PLCL1: variants seen among roughly 807,000 people sequenced by gnomAD.
The protein encoded by PLCL1 is inactive phospholipase C-like protein 1.
PLCL1 carries 41 observed loss-of-function variants against 84.4 expected under a neutral mutation model. That is an observed-to-expected ratio of 0.49 (90% CI 0.38 to 0.63). The LOEUF is 0.63. Among genes scored for constraint, PLCL1 ranks in the 30% least tolerant of loss-of-function variants. The pLI is 0.00. For missense variants in PLCL1, 1,206 were observed against 1,367.8 expected, an observed-to-expected ratio of 0.88 and a Z score of 1.87; for synonymous variants, 490 against 488.3, an observed-to-expected ratio of 1.00 and a Z score of -0.05.
At chr2:197,984,696 T>A (rs1055474687) in intron 1 of PLCL1, among the ~76,000 whole-genome samples, 34 of 152,220 alleles carry the variant, frequency 2.2e-4, no homozygotes, top group African/African-American at 7.5e-4. Context: ...ACTGATGTTG[T>A]TTATAACAAG....
At chr2:198,146,094 C>T (rs1694510302) in intron 5 of PLCL1, among the ~76,000 whole-genome samples, 1 of 152,188 alleles carries the variant, frequency 6.6e-6, no homozygotes, top group South Asian at 2.1e-4. Flanking sequence ...CTCTGTTGGG[C>T]ACTGATGTAA....
At chr2:197,936,513 C>T (rs952415185) in intron 1 of PLCL1, among the ~76,000 whole-genome samples, 6 of 152,144 alleles carry the variant, frequency 3.9e-5, no homozygotes, top group Admixed American at 6.6e-5. Context: ...TGATGTTGAA[C>T]ATGTTTTCAT....
At chr2:197,939,068 AG>A (rs1193192190) in intron 1 of PLCL1, among the ~76,000 whole-genome samples, 1 of 152,206 alleles carries the variant, frequency 6.6e-6, no homozygotes, top group Non-Finnish European at 1.5e-5. Context: ...GGTGAGAAGG[AG>A]GATCAATGGC....
intron 3 of PLCL1, among the ~76,000 whole-genome samples, chr2:198,099,876 C>G (rs1210682506): frequency 6.6e-6 from 1 of 152,060 alleles, no homozygotes; most frequent in Non-Finnish European, 1.5e-5. Context: ...GTTTTACTTT[C>G]TGATGTTTGA....
intron 1 of PLCL1, among the ~76,000 whole-genome samples, chr2:197,882,723 A>T (rs750885910): frequency 6.6e-6 from 1 of 152,212 alleles, no homozygotes; most frequent in Non-Finnish European, 1.5e-5. Context: ...CACTAAAAGT[A>T]TTTGGTAAGA....
At chr2:198,037,263 A>G (rs542680038) in intron 1 of PLCL1, among the ~76,000 whole-genome samples, 103 of 152,332 alleles carry the variant, frequency 6.8e-4, no homozygotes, top group African/African-American at 2.3e-3. Context: ...AGAAGTACTT[A>G]TAGTGATTGC....
chr2:198,060,610 C>A (rs537073027), intron 1 of PLCL1, among the ~76,000 whole-genome samples: 50 of 152,324 alleles, frequency 3.3e-4, no homozygotes, highest in Admixed American at 6.5e-4. Flanking sequence ...CATGTACATG[C>A]TGTTGGAATC....
At chr2:197,836,222 G>A (rs1364962832) in intron 1 of PLCL1, among the ~76,000 whole-genome samples, 1 of 151,744 alleles carries the variant, frequency 6.6e-6, no homozygotes, top group African/African-American at 2.4e-5. Context: ...GAGGCGGGCG[G>A]ATCACGAGGT....
intron 1 of PLCL1, among the ~76,000 whole-genome samples, chr2:198,002,190 G>A (rs75636153): frequency 0.012 from 1,794 of 152,274 alleles, 35 homozygotes; most frequent in African/African-American, 0.041. Context: ...ACTCTAGAGT[G>A]TCCTATTGTA....
Position 198,084,203 on chromosome 2 carries a change from T to A in PLCL1, c.686T>A (p.Leu229His). The A allele has an allele frequency of 6.2e-7, 1 of 1,614,116 alleles. No individual in the cohort carries two copies. Among genetic ancestry groups the A allele is most frequent in the Non-Finnish European group, 8.5e-7 (1 of 1,179,992 alleles). Residue 229 changes from leucine to histidine, a missense_variant, in exon 2 of 6, where the codon CTT becomes CAT. By Grantham distance (99) the Leu-to-His change is moderately conservative. Transcript: ENST00000428675. ...CTGGTTTCTCGAAGTAAGCAGCCTC[T>A]TGATTTTATGGAGGGCAACCAGAAC... ...RYLVSRSKQP[L>H]DFMEGNQNTP... is the part of the protein sequence containing the mutation.
In PLCL1 at chr2:197,919,425, A is replaced by G. The variant is rs535546177; in HGVS notation, c.240+114086A>G. On this transcript the variant is annotated intron_variant, in intron 1 of 5. Transcript: ENST00000428675. ...TGTCGTTTACTATCATGATGTTTTAACATAACTAAAAAAATCAAAATCAAG... is the reference window on the plus strand; with the variant it reads ...TGTCGTTTACTATCATGATGTTTTAGCATAACTAAAAAAATCAAAATCAAG... 5.3e-5 allele frequency among the ~76,000 whole-genome samples: 8 copies of G among 152,332 alleles called. No homozygotes were observed. The South Asian group carries it at 1.7e-3, about 32-fold the overall frequency.
intron 1 of PLCL1, among the ~76,000 whole-genome samples, chr2:198,064,369 C>T (rs942417868): frequency 2.6e-5 from 4 of 152,112 alleles, no homozygotes; most frequent in African/African-American, 4.8e-5. Flanking sequence ...GGGAATTTAA[C>T]AGAGGTTAGT....
chr2:197,974,611 T>A (rs1157999886), intron 1 of PLCL1, among the ~76,000 whole-genome samples: 1 of 152,242 alleles, frequency 6.6e-6, no homozygotes, highest in Non-Finnish European at 1.5e-5. Flanking sequence ...TACAGCCATA[T>A]ATGTGAAGTT....
rs760577848 is a variant in PLCL1 at position 197,983,200 on chromosome 2, CTTTTTTTTTTTTTTTTTTTTTTTT to C, written c.241-100542_241-100519del. Among the ~76,000 whole-genome samples, 521 of 60,302 alleles carry C rather than the reference CTTTTTTTTTTTTTTTTTTTTTTTT, an allele frequency of 8.6e-3. 3 individuals are homozygous for C. The highest frequency in any genetic ancestry group is 0.032 in the African/African-American group (500 of 15,604). 39.6% of individuals were successfully genotyped at this position (60,302 alleles called of 152,430 possible). ...TTTCTTTTTCTTTTTCTTTTCTTTT[CTTTTTTTTTTTTTTTTTTTTTTTT>C]TTTTTTTTTTTTTTTGAGACAGGGT... On this transcript the variant is annotated intron_variant, in intron 1 of 5. Coordinates refer to ENST00000428675, the MANE Select transcript of PLCL1 (RefSeq NM_006226.4).
intron 1 of PLCL1, among the ~76,000 whole-genome samples, chr2:198,011,562 G>C (rs56765024): frequency 1.3e-5 from 2 of 151,814 alleles, no homozygotes. Flanking sequence ...TTCCATGTGC[G>C]CTTGAGAATA....
At chr2:197,965,168 C>A (rs1327046369) in intron 1 of PLCL1, among the ~76,000 whole-genome samples, 1 of 152,068 alleles carries the variant, frequency 6.6e-6, no homozygotes, top group Non-Finnish European at 1.5e-5. Flanking sequence ...TAAAATTCAG[C>A]AGTGATGGCA....
intron 1 of PLCL1, among the ~76,000 whole-genome samples, chr2:197,966,792 A>G (rs534161702): frequency 6.0e-5 from 9 of 150,046 alleles, no homozygotes; most frequent in Admixed American, 2.0e-4. Flanking sequence ...TTCAGGGAGG[A>G]TGATTGATGG....
chr2:197,915,697 G>A (rs4564764), intron 1 of PLCL1, among the ~76,000 whole-genome samples: 1,854 of 152,182 alleles, frequency 0.012, 47 homozygotes, highest in African/African-American at 0.042. Context: ...ATGATTTCCA[G>A]CTCAACTGCT....
At chr2:197,950,088 T>C (rs1433022561) in intron 1 of PLCL1, among the ~76,000 whole-genome samples, 1 of 152,168 alleles carries the variant, frequency 6.6e-6, no homozygotes, top group Non-Finnish European at 1.5e-5. Context: ...TATAACATTT[T>C]GGATAGCAAA....
Sources: gnomAD v4.1 joint callset for allele counts (sites outside exome capture counted in the v4.1 genomes callset) on GRCh38, gnomAD v4.1.1 for gene constraint, MANE v1.5 for transcripts, NCBI Gene and HGNC (gene_info 2026-07-23, HGNC 2026-07-21) for gene names.